RERG: variants seen among roughly 807,000 people sequenced by gnomAD.
RERG encodes the protein ras-related and estrogen-regulated growth inhibitor.
Under a neutral mutation model 23.2 loss-of-function variants are expected in RERG, and 25 were observed. The observed-to-expected ratio is 1.08, with a 90% confidence interval of 0.79 to 1.50. RERG has a LOEUF of 1.50. Among genes scored for constraint, RERG ranks in the 40% most tolerant of loss-of-function variants. The pLI is 0.00. For synonymous variants in RERG, 81 were observed against 89.1 expected (o/e 0.91, Z 0.51); for missense variants, 253 against 250.1 (o/e 1.01, Z -0.08).
intron 4 of RERG, among the ~76,000 whole-genome samples, chr12:15,110,463 C>CTTTCTTTTTTTT (rs1863586835): frequency 5.5e-5 from 4 of 73,082 alleles, no homozygotes; most frequent in Admixed American, 1.8e-4. Flanking sequence ...CCATTTTTTT[C>CTTTCTTTTTTTT]TTTTTTTTTT....
chr12:15,160,379 C>T (rs561578506), intron 2 of RERG, among the ~76,000 whole-genome samples: 4 of 152,030 alleles, frequency 2.6e-5, no homozygotes, highest in South Asian at 2.1e-4. Context: ...TCTCAGGTGC[C>T]GCTGAAACAT....
At chr12:15,188,147 A>G (rs1227786892) in intron 2 of RERG, among the ~76,000 whole-genome samples, 1 of 152,162 alleles carries the variant, frequency 6.6e-6, no homozygotes, top group East Asian at 1.9e-4. Flanking sequence ...TTAGTGAGAA[A>G]GCCAAGGCCT....
intron 2 of RERG, among the ~76,000 whole-genome samples, chr12:15,187,172 T>C (rs978748755): frequency 2.6e-5 from 4 of 151,926 alleles, no homozygotes; most frequent in Non-Finnish European, 4.4e-5. Context: ...ACTCTGAAAA[T>C]TGACCTTTCA....
intron 1 of RERG, among the ~76,000 whole-genome samples, chr12:15,220,743 T>A (rs1048434482): frequency 1.3e-5 from 2 of 152,154 alleles, no homozygotes; most frequent in Admixed American, 1.3e-4. Flanking sequence ...GGAAATGAGA[T>A]TCTCTTCTTT....
intron 2 of RERG, among the ~76,000 whole-genome samples, chr12:15,185,575 G>A (rs967150290): frequency 7.9e-5 from 12 of 151,990 alleles, no homozygotes; most frequent in African/African-American, 9.7e-5. Flanking sequence ...GCAACAGTAC[G>A]GTATTTTAAG....
At chr12:15,218,719 A>G (rs1457822100) in intron 1 of RERG, among the ~76,000 whole-genome samples, 4 of 151,932 alleles carry the variant, frequency 2.6e-5, no homozygotes, top group Admixed American at 2.0e-4. Flanking sequence ...CCTAGCATCT[A>G]GTAGGACCCT....
At chr12:15,153,237 G>C (rs1864471746) in intron 2 of RERG, among the ~76,000 whole-genome samples, 1 of 152,148 alleles carries the variant, frequency 6.6e-6, no homozygotes, top group African/African-American at 2.4e-5. Flanking sequence ...AGAAAGAACT[G>C]GGGAGTTGTG....
chr12:15,121,014 G>T, intron 3 of RERG, 49 bp downstream of exon 3: 1 of 1,257,530 alleles, frequency 8.0e-7, no homozygotes, highest in Non-Finnish European at 1.2e-6. Flanking sequence ...TCTTTCTTTG[G>T]GGCCATAAAT....
intron 2 of RERG, chr12:15,154,335 C>T (rs748816759): frequency 6.6e-5 from 10 of 152,172 alleles, no homozygotes; most frequent in South Asian, 2.1e-4. Flanking sequence ...CTGCCATCCA[C>T]GTAAGGCAAG....
At chr12:15,170,445 T>A (rs945683601) in intron 2 of RERG, among the ~76,000 whole-genome samples, 2 of 151,856 alleles carry the variant, frequency 1.3e-5, no homozygotes, top group Non-Finnish European at 2.9e-5. Context: ...AGTGCTTTTT[T>A]AAAAAAAAGA....
In RERG at chr12:15,217,319, T is replaced by C. The variant is rs911578414; in HGVS notation, c.61+110A>G. ...AGACTTTATCTAAAAGAGTAAGAAATGAAAATAGGAGGAATACCAACTACT... is the reference window on the plus strand; with the variant it reads ...AGACTTTATCTAAAAGAGTAAGAAACGAAAATAGGAGGAATACCAACTACT... On this transcript the variant is annotated intron_variant, in intron 2 of 4. Transcript: ENST00000256953. 1.1e-5 allele frequency: 8 copies of C among 736,104 alleles called. No individual in the cohort carries two copies. In the African/African-American group the frequency reaches 1.2e-4, roughly 11 times the overall value. 45.6% of individuals were successfully genotyped at this position (736,104 alleles called of 1,614,324 possible). A position where few individuals can be genotyped will look rare whatever the true frequency, so the allele number is the denominator to read the frequency against.
intron 2 of RERG, chr12:15,137,899 T>A: frequency 2.2e-6 from 1 of 448,046 alleles, no homozygotes; most frequent in South Asian, 1.6e-5. Flanking sequence ...AGATGTATCA[T>A]TCTCCTTCTC....
intron 2 of RERG, among the ~76,000 whole-genome samples, chr12:15,130,134 C>A (rs1864020023): frequency 6.6e-6 from 1 of 152,200 alleles, no homozygotes; most frequent in Non-Finnish European, 1.5e-5. Context: ...ATCTGCCTAT[C>A]TATCATACAT....
chr12:15,116,857 T>C (rs1294323684), intron 3 of RERG, among the ~76,000 whole-genome samples: 4 of 152,180 alleles, frequency 2.6e-5, no homozygotes, highest in African/African-American at 4.8e-5. Context: ...ATTTCGTTCA[T>C]ACTAAACAAA....
chr12:15,219,341 A>G (rs1658014030), intron 1 of RERG, among the ~76,000 whole-genome samples: 1 of 152,218 alleles, frequency 6.6e-6, no homozygotes, highest in Non-Finnish European at 1.5e-5. Flanking sequence ...TTAAGCTATC[A>G]TCCTGTACCT....
chr12:15,117,650 C>T (rs1863747505), intron 3 of RERG, among the ~76,000 whole-genome samples: 1 of 148,904 alleles, frequency 6.7e-6, no homozygotes, highest in African/African-American at 2.5e-5. Flanking sequence ...CTCTCTTCCT[C>T]TCCAAATGCC....
intron 2 of RERG, among the ~76,000 whole-genome samples, chr12:15,123,737 T>C (rs1863883988): frequency 6.6e-6 from 1 of 151,828 alleles, no homozygotes; most frequent in Non-Finnish European, 1.5e-5. Context: ...TCCTTTTGAC[T>C]CCCTTCCCTC....
At chr12:15,169,408 C>T (rs1456620774) in intron 2 of RERG, among the ~76,000 whole-genome samples, 2 of 152,166 alleles carry the variant, frequency 1.3e-5, no homozygotes, top group Non-Finnish European at 2.9e-5. Context: ...GAGGCCCGGA[C>T]CAGAAGCCAA....
chr12:15,170,324 G>T (rs531117970), intron 2 of RERG, among the ~76,000 whole-genome samples: 1 of 152,162 alleles, frequency 6.6e-6, no homozygotes, highest in South Asian at 2.1e-4. Context: ...GGCGGATGGT[G>T]GGGTAGTCTG....
Sources: gnomAD v4.1 joint callset for allele counts (sites outside exome capture counted in the v4.1 genomes callset) on GRCh38, gnomAD v4.1.1 for gene constraint, MANE v1.5 for transcripts, NCBI Gene and HGNC (gene_info 2026-07-23, HGNC 2026-07-21) for gene names.